CDH13: variants seen among roughly 807,000 people sequenced by gnomAD.
CDH13 encodes cadherin-13.
A neutral mutation model predicts 63.8 loss-of-function variants in CDH13; 24 were observed. That is an observed-to-expected ratio of 0.38 (90% CI 0.27 to 0.53). The LOEUF (loss-of-function observed/expected upper bound fraction) is 0.53. Among genes scored for constraint, CDH13 ranks in the 20% least tolerant of loss-of-function variants. CDH13 has a pLI of 0.85. For missense variants in CDH13, 1,049 were observed against 903.1 expected (o/e 1.16, Z -2.07); for synonymous variants, 503 against 355.3 (o/e 1.42, Z -4.67).
chr16:83,200,921 A>ATGTGTGTGTGTGTGTG (rs374017580), intron 4 of CDH13, among the ~76,000 whole-genome samples: 12 of 129,750 alleles, frequency 9.2e-5, no homozygotes, highest in Non-Finnish European at 1.5e-4. Context: ...AGTCTTAAAA[A>ATGTGTGTGTGTGTGTG]TGTGTGTGTG....
intron 10 of CDH13, among the ~76,000 whole-genome samples, chr16:83,719,127 G>A (rs765881246): frequency 6.6e-6 from 1 of 152,128 alleles, no homozygotes; most frequent in Non-Finnish European, 1.5e-5. Context: ...GGGGGCTTCT[G>A]CCTCTCTTTC....
chr16:83,222,313 C>T (rs1236946729), intron 5 of CDH13, among the ~76,000 whole-genome samples: 1 of 152,062 alleles, frequency 6.6e-6, no homozygotes, highest in Non-Finnish European at 1.5e-5. Flanking sequence ...CAGAGGTATC[C>T]TTGCTCATAT....
At chr16:82,646,148 C>G (rs539304703) in intron 1 of CDH13, 3 of 152,340 alleles carry the variant, frequency 2.0e-5, no homozygotes, top group East Asian at 1.9e-4. Context: ...CCATTTGGGC[C>G]TTGTTTGCAA....
At chr16:82,653,853 A>T (rs1236117089) in intron 1 of CDH13, among the ~76,000 whole-genome samples, 1 of 152,106 alleles carries the variant, frequency 6.6e-6, no homozygotes, top group Non-Finnish European at 1.5e-5. Flanking sequence ...AGTTCCGGAG[A>T]AGAAGACTGA....
At chr16:83,598,713 A>G (rs1459773285) in intron 7 of CDH13, among the ~76,000 whole-genome samples, 1 of 152,084 alleles carries the variant, frequency 6.6e-6, no homozygotes, top group Non-Finnish European at 1.5e-5. Context: ...AAGGATGACA[A>G]CTCATCCTTG....
At chr16:83,531,745 C>G (rs1246209666) in intron 7 of CDH13, among the ~76,000 whole-genome samples, 5 of 152,200 alleles carry the variant, frequency 3.3e-5, no homozygotes, top group Non-Finnish European at 7.3e-5. Context: ...TATACATTCT[C>G]TCCCGGAGCC....
chr16:83,502,690 A>G (rs1301010358), intron 7 of CDH13, among the ~76,000 whole-genome samples: 1 of 152,196 alleles, frequency 6.6e-6, no homozygotes, highest in Non-Finnish European at 1.5e-5. Context: ...ATGACAGGTG[A>G]AGTACATTAA....
At chr16:83,032,449 G>C (rs970379283) in intron 3 of CDH13, 4 of 520,982 alleles carry the variant, frequency 7.7e-6, no homozygotes, top group African/African-American at 7.6e-5. Context: ...AACTATTTTA[G>C]GGATACTTCT....
intron 6 of CDH13, among the ~76,000 whole-genome samples, chr16:83,465,546 C>G (rs371259604): frequency 2.3e-4 from 35 of 152,268 alleles, no homozygotes; most frequent in African/African-American, 7.2e-4. Context: ...AATAAAGATT[C>G]AAGTCAATGG....
At chr16:83,274,259 C>T (rs1298477184) in intron 5 of CDH13, among the ~76,000 whole-genome samples, 1 of 152,192 alleles carries the variant, frequency 6.6e-6, no homozygotes, top group Non-Finnish European at 1.5e-5. Context: ...TCAGCCAAGG[C>T]TGGAGGTGGA....
intron 13 of CDH13, among the ~76,000 whole-genome samples, chr16:83,785,586 T>C (rs1442407758): frequency 1.3e-5 from 2 of 152,200 alleles, no homozygotes; most frequent in Non-Finnish European, 2.9e-5. Flanking sequence ...TAGACCTAGA[T>C]TTCTAGAGTG....
intron 2 of CDH13, among the ~76,000 whole-genome samples, chr16:83,026,809 A>G (rs1476515311): frequency 3.3e-5 from 5 of 152,162 alleles, no homozygotes; most frequent in Non-Finnish European, 5.9e-5. Flanking sequence ...CAAAATGCAC[A>G]CACTGATTCC....
At chr16:82,935,819 C>T (rs184598733) in intron 2 of CDH13, among the ~76,000 whole-genome samples, 56 of 152,022 alleles carry the variant, frequency 3.7e-4, no homozygotes, top group Admixed American at 1.4e-3. Context: ...TGGACACACA[C>T]GAGGAGTTTA....
At chr16:83,424,481 C>G (rs1281848660) in intron 6 of CDH13, among the ~76,000 whole-genome samples, 1 of 152,134 alleles carries the variant, frequency 6.6e-6, no homozygotes, top group Non-Finnish European at 1.5e-5. Flanking sequence ...CTTCATCCCC[C>G]ACTTTTGAAG....
At chr16:83,619,312 C>G (rs1909587571) in intron 8 of CDH13, among the ~76,000 whole-genome samples, 1 of 152,198 alleles carries the variant, frequency 6.6e-6, no homozygotes, top group Non-Finnish European at 1.5e-5. Flanking sequence ...TGAATGACCC[C>G]TCATGATGAG....
At chr16:83,082,042 TG>T (rs2033290406) in intron 3 of CDH13, among the ~76,000 whole-genome samples, 1 of 152,066 alleles carries the variant, frequency 6.6e-6, no homozygotes, top group Admixed American at 6.5e-5. Context: ...TCAGGTGATC[TG>T]CCCGCCTCGG....
chr16:83,499,535 T>C (rs913192164), intron 7 of CDH13, among the ~76,000 whole-genome samples: 4 of 152,212 alleles, frequency 2.6e-5, no homozygotes, highest in African/African-American at 9.6e-5. Flanking sequence ...CATAAAACAT[T>C]CTTCTCTCAT....
chr16:82,796,084 G>A (rs1423991527), intron 1 of CDH13, among the ~76,000 whole-genome samples: 1 of 151,954 alleles, frequency 6.6e-6, no homozygotes, highest in Non-Finnish European at 1.5e-5. Flanking sequence ...GTTCATGTCA[G>A]GTTCCTGTGC....
chr16:83,215,383 T>C (rs1021030200), intron 4 of CDH13, among the ~76,000 whole-genome samples: 4 of 152,030 alleles, frequency 2.6e-5, no homozygotes, highest in African/African-American at 7.2e-5. Flanking sequence ...CCGGCCCACA[T>C]AGTTTATTTT....
Sources: gnomAD v4.1 joint callset for allele counts (sites outside exome capture counted in the v4.1 genomes callset) on GRCh38, gnomAD v4.1.1 for gene constraint, MANE v1.5 for transcripts, NCBI Gene and HGNC (gene_info 2026-07-23, HGNC 2026-07-21) for gene names.